The following PCNX1 variants were observed in gnomAD, a reference collection of about 807,000 sequenced individuals.
PCNX1 encodes pecanex-like protein 1.
PCNX1 carries 78 observed loss-of-function variants against 242.2 expected under a neutral mutation model. That is an observed-to-expected ratio of 0.32 (90% confidence interval 0.27 to 0.39). The LOEUF is 0.39. Ranked by LOEUF, PCNX1 falls within the 10% of genes least tolerant of loss-of-function variation. The pLI, the probability that PCNX1 is intolerant of heterozygous loss-of-function variation, is 1.00. For synonymous variants in PCNX1, 1,024 were observed against 1,032.9 expected (o/e 0.99, Z 0.17); for missense variants, 2,581 against 2,856.5 (o/e 0.90, Z 2.20).
rs760625309 is a variant in PCNX1 at position 71,036,067 on chromosome 14, T to A, written c.3777T>A (p.Ser1259Arg). The change falls in exon 19 of 36, where the codon AGT becomes AGA. Residue 1259 changes from serine to arginine, a missense_variant and splice_region_variant. Around this residue, in one of 9 missense-constraint regions of PCNX1, gnomAD observed 432 missense variants for 443.1 expected, o/e 0.97. Coordinates refer to ENST00000304743, the MANE Select transcript of PCNX1 (RefSeq NM_014982.3). ...ATAATTCTTTTTTTTCCCCACAGAG[T>A]GAGCGATTACAGTCTGACCTGGTAG... ...PLPEKLRNSV[S>R]ERLQSDLVVC... is the part of the protein sequence containing the mutation. 48 of 1,582,424 alleles carry A rather than the reference T, an allele frequency of 3.0e-5. No individual in the cohort carries two copies. Among genetic ancestry groups the A allele is most frequent in the Middle Eastern group, 1.7e-4 (1 of 5,986 alleles).
intron 19 of PCNX1, among the ~76,000 whole-genome samples, chr14:71,036,654 C>T (rs866892046): frequency 1.3e-5 from 2 of 152,268 alleles, no homozygotes; most frequent in South Asian, 2.1e-4. Context: ...GATGTTTGCA[C>T]GATGATGACA....
chr14:71,042,002 ATTTATTT>A (rs1447195746), intron 19 of PCNX1, among the ~76,000 whole-genome samples: 4 of 152,040 alleles, frequency 2.6e-5, no homozygotes, highest in Admixed American at 1.3e-4. Flanking sequence ...TCCTCTTGTT[ATTTATTT>A]TTAGTTTTAT....
At chr14:71,070,672 A>G (rs149963939) in intron 26 of PCNX1, among the ~76,000 whole-genome samples, 51 of 152,338 alleles carry the variant, frequency 3.3e-4, no homozygotes, top group African/African-American at 1.1e-3. Context: ...AAACCATGCT[A>G]TAAACAGATG....
At chr14:71,067,864 T>A (rs1221251967) in intron 26 of PCNX1, among the ~76,000 whole-genome samples, 1 of 151,970 alleles carries the variant, frequency 6.6e-6, no homozygotes, top group Non-Finnish European at 1.5e-5. Flanking sequence ...TCGTTATATA[T>A]ATCTAGTAGT....
At chr14:70,948,816 ATTT>A (rs897472371) in intron 2 of PCNX1, among the ~76,000 whole-genome samples, 5 of 146,806 alleles carry the variant, frequency 3.4e-5, no homozygotes, top group Non-Finnish European at 7.5e-5. Flanking sequence ...ATCAGCATTT[ATTT>A]TTATTTACTC....
At position 71,019,155 on chromosome 14, in the gene PCNX1, T is replaced by A; in HGVS notation, c.3143T>A (p.Leu1048Gln). Residue 1048 changes from leucine to glutamine, a missense_variant, in exon 12 of 36, where the codon CTG becomes CAG. Coordinates refer to ENST00000304743, the MANE Select transcript of PCNX1 (RefSeq NM_014982.3). Reference sequence around the variant, plus strand: ...GTCATAGCCAGCTGTCAATACTCACTGCTTAAGGTACCAGCATCTCTTCTT... The same window carrying A: ...GTCATAGCCAGCTGTCAATACTCACAGCTTAAGGTACCAGCATCTCTTCTT... ...CLVIASCQYS[L>Q]LKSVQPDSSS... 1 of 1,606,270 alleles carries A rather than the reference T, an allele frequency of 6.2e-7. No individual in the cohort carries two copies. Among genetic ancestry groups the A allele is most frequent in the Non-Finnish European group, 8.5e-7 (1 of 1,176,898 alleles).
In PCNX1 at chr14:71,048,027, T is replaced by C; in HGVS notation, c.4338+43T>C. The C allele has an allele frequency of 1.4e-6, 2 of 1,431,310 alleles. 1 individual carries two copies. Among genetic ancestry groups the C allele is most frequent in the South Asian group, 2.5e-5 (2 of 79,258 alleles). 88.7% of individuals were successfully genotyped at this position (1,431,310 alleles called of 1,614,324 possible). The stretch of plus-strand genomic sequence containing the variant: ...GGAATATCCTTATCTATAAAAACTA[T>C]CTCCCTGGGTTATATGCTAGTCAGA... On this transcript the variant is annotated intron_variant, in intron 22 of 35. Transcript: ENST00000304743.
At chr14:70,908,601 C>T (rs2055680781) in intron 1 of PCNX1, among the ~76,000 whole-genome samples, 1 of 152,228 alleles carries the variant, frequency 6.6e-6, no homozygotes, top group Admixed American at 6.5e-5. Flanking sequence ...GGCTGAAAAC[C>T]CGGCTCGGAA....
rs374544086 is a variant in PCNX1, at chr14:70,988,714, A to G, written c.2444+15A>G. The G allele has an allele frequency of 2.6e-5, 41 of 1,607,360 alleles. No homozygotes were observed. Among genetic ancestry groups the G allele is most frequent in the Middle Eastern group, 1.7e-4 (1 of 6,056 alleles). On this transcript the variant is annotated intron_variant, in intron 7 of 35. Transcript: ENST00000304743. Reference sequence around the variant, plus strand: ...TCACCCCTAAGGTATGGTATTTTCAATTCCACCAAGTTTAGCATGCATGTA... The same window carrying G: ...TCACCCCTAAGGTATGGTATTTTCAGTTCCACCAAGTTTAGCATGCATGTA...
chr14:71,033,983 G>C lies in PCNX1; in HGVS notation c.3721G>C (p.Asp1241His). ...AAAAACGGAAGAGAAAAATCCAGAA[G>C]ACCCTCTATCTGAAGTAAAAGATCC... ...FPKTEEKNPE[D>H]PLSEVKDPLP... Residue 1241 changes from aspartate to histidine, a missense_variant, in exon 18 of 36, where the codon GAC becomes CAC. Around this residue, in one of 9 missense-constraint regions of PCNX1, gnomAD observed 432 missense variants for 443.1 expected, o/e 0.97. Coordinates refer to ENST00000304743, the MANE Select transcript of PCNX1 (RefSeq NM_014982.3). The C allele has an allele frequency of 6.2e-7, 1 of 1,609,192 alleles. No homozygotes were observed.
intron 2 of PCNX1, among the ~76,000 whole-genome samples, chr14:70,949,016 A>T (rs1178709007): frequency 6.7e-6 from 1 of 148,408 alleles, no homozygotes; most frequent in Non-Finnish European, 1.5e-5. Context: ...TACTCGTATA[A>T]ATAAAATGTG....
At chr14:71,018,116 G>A (rs903796315) in intron 11 of PCNX1, among the ~76,000 whole-genome samples, 1 of 151,928 alleles carries the variant, frequency 6.6e-6, no homozygotes, top group Non-Finnish European at 1.5e-5. Flanking sequence ...TTTTTTAATA[G>A]CAGAACTTAT....
intron 1 of PCNX1, among the ~76,000 whole-genome samples, chr14:70,940,559 A>AT (rs1291062013): frequency 6.6e-6 from 1 of 151,644 alleles, no homozygotes; most frequent in African/African-American, 2.4e-5. Flanking sequence ...TGCCCTTAAT[A>AT]TTTTTTTCTT....
intron 29 of PCNX1, 136 bp downstream of exon 29, chr14:71,088,566 T>A (rs763868914): frequency 1.7e-5 from 9 of 524,236 alleles, no homozygotes; most frequent in African/African-American, 3.8e-5. Context: ...TTTCTATACA[T>A]CATCTTCTTG....
chr14:71,093,252 G>C (rs1252459336), intron 30 of PCNX1: 1 of 151,746 alleles, frequency 6.6e-6, no homozygotes, highest in Non-Finnish European at 1.5e-5. Context: ...GAAAACTCCA[G>C]ATGTTGCACA....
At chr14:70,949,282 T>C (rs201246093) in intron 2 of PCNX1, among the ~76,000 whole-genome samples, 513 of 48,298 alleles carry the variant, frequency 0.011, 4 homozygotes, top group Non-Finnish European at 0.024. Flanking sequence ...CACACGTGTA[T>C]ACACACACGT....
rs186175294 is a variant in PCNX1 at position 71,032,095 on chromosome 14, G to T, written c.3559-1334G>T. On this transcript the variant is annotated intron_variant, in intron 16 of 35. Transcript: ENST00000304743. ...GAGAGAGAGAAAGTTTCCTCATGCT[G>T]AGAAAGCAGGTCGCTCAAGAGAGGG... 33 of 614,598 alleles carry T rather than the reference G, an allele frequency of 5.4e-5. No individual in the cohort carries two copies. The African/African-American group carries it at 5.8e-4, about 11-fold the overall frequency. 38.1% of individuals were successfully genotyped at this position (614,598 alleles called of 1,614,324 possible). A position where few individuals can be genotyped will look rare whatever the true frequency, so the allele number is the denominator to read the frequency against.
At chr14:71,000,573 C>T (rs967288982) in intron 8 of PCNX1, among the ~76,000 whole-genome samples, 5 of 145,096 alleles carry the variant, frequency 3.4e-5, no homozygotes, top group African/African-American at 1.3e-4. Context: ...GTCGCCCAGG[C>T]TGGAGTGCAG....
chr14:71,073,394 C>A (rs1327581539), intron 26 of PCNX1, 151 bp from the exon 27 acceptor site: 2 of 742,198 alleles, frequency 2.7e-6, no homozygotes, highest in Non-Finnish European at 4.4e-6. Flanking sequence ...GAGTTTGCTA[C>A]AATTTGTTAA....
Sources: allele counts gnomAD v4.1 joint callset (sites outside exome capture counted in the v4.1 genomes callset), GRCh38; gene constraint gnomAD v4.1.1; regional missense constraint gnomAD v4.1.1; transcripts MANE v1.5; gene names NCBI Gene and HGNC (gene_info 2026-07-23, HGNC 2026-07-21).